DENND1B: variants seen among roughly 807,000 people sequenced by gnomAD.
The protein encoded by DENND1B is DENN domain containing 1B, also known as DENN domain-containing protein 1B.
DENND1B carries 59 observed loss-of-function variants against 90.1 expected under a neutral mutation model. The observed-to-expected ratio is 0.65, with a 90% confidence interval of 0.53 to 0.81. The LOEUF is 0.81. Among genes scored for constraint, DENND1B ranks in the 40% least tolerant of loss-of-function variants. The probability of loss-of-function intolerance (pLI) is 0.00; values close to 1 mark genes in which losing one functional copy is unlikely to be tolerated. For synonymous variants in DENND1B, 337 were observed against 324.6 expected (o/e 1.04, Z -0.41); for missense variants, 862 against 912.6 (o/e 0.94, Z 0.71).
At chr1:197,627,066 C>G (rs143337104) in intron 10 of DENND1B, among the ~76,000 whole-genome samples, 25,849 of 151,968 alleles carry the variant, frequency 0.17, 2,381 homozygotes, top group Non-Finnish European at 0.2. Flanking sequence ...AGTCCAGGAC[C>G]AGATGGATTC....
intron 2 of DENND1B, among the ~76,000 whole-genome samples, chr1:197,765,815 C>T (rs1455981573): frequency 8.5e-5 from 13 of 152,170 alleles, no homozygotes. Flanking sequence ...CAAATGAAAG[C>T]ACCTAATGAG....
chr1:197,526,814 T>C (rs940141741), intron 20 of DENND1B, among the ~76,000 whole-genome samples: 1 of 152,198 alleles, frequency 6.6e-6, no homozygotes, highest in Non-Finnish European at 1.5e-5. Flanking sequence ...ATTTATTTGA[T>C]AGAATTATGT....
At chr1:197,692,832 T>A (rs759983916) in intron 3 of DENND1B, among the ~76,000 whole-genome samples, 1 of 151,658 alleles carries the variant, frequency 6.6e-6, no homozygotes, top group Non-Finnish European at 1.5e-5. Context: ...TTCTTGGAGA[T>A]TCTTTTCTTT....
chr1:197,583,001 A>G lies in DENND1B; in HGVS notation c.1149+151T>C, dbSNP rs2302885. On this transcript the variant is annotated intron_variant, in intron 15 of 22. Transcript: ENST00000620048. Reference sequence around the variant, plus strand: ...TATAATATTTCTAGAGTGCTATGTCATAACTAGCTACGACTTACAAAATAA... The same window carrying G: ...TATAATATTTCTAGAGTGCTATGTCGTAACTAGCTACGACTTACAAAATAA... 17 of 633,440 alleles carry G rather than the reference A, an allele frequency of 2.7e-5. No individual in the cohort carries two copies. The East Asian group carries it at 4.7e-4, about 17-fold the overall frequency. 39.2% of individuals were successfully genotyped at this position (633,440 alleles called of 1,614,324 possible). A position where few individuals can be genotyped will look rare whatever the true frequency, so the allele number is the denominator to read the frequency against.
At chr1:197,576,598 A>G (rs1026517141) in intron 15 of DENND1B, among the ~76,000 whole-genome samples, 1 of 152,224 alleles carries the variant, frequency 6.6e-6, no homozygotes, top group Non-Finnish European at 1.5e-5. Context: ...ATGTTGTGAT[A>G]TAGAATGTAC....
chr1:197,674,083 G>C (rs779046983), intron 4 of DENND1B, 37 bp downstream of exon 4: 52 of 1,421,726 alleles, frequency 3.7e-5, no homozygotes, highest in Non-Finnish European at 4.4e-5. Context: ...TGTACTATAA[G>C]AATCTACATT....
intron 2 of DENND1B, among the ~76,000 whole-genome samples, chr1:197,764,655 T>A (rs1008775033): frequency 6.6e-6 from 1 of 152,176 alleles, no homozygotes; most frequent in Non-Finnish European, 1.5e-5. Flanking sequence ...CTTTCCATTA[T>A]AAAAACTGCT....
intron 6 of DENND1B, among the ~76,000 whole-genome samples, chr1:197,654,900 A>C (rs1653641085): frequency 1.3e-5 from 2 of 152,204 alleles, no homozygotes; most frequent in South Asian, 4.1e-4. Context: ...CATACTGGGC[A>C]GACAGAAATG....
chr1:197,667,488 G>A (rs926770175), intron 5 of DENND1B, among the ~76,000 whole-genome samples: 133 of 152,062 alleles, frequency 8.7e-4, no homozygotes, highest in African/African-American at 3.1e-3. Flanking sequence ...AGAGTACAGT[G>A]GCACAATCTC....
intron 14 of DENND1B, among the ~76,000 whole-genome samples, chr1:197,585,181 C>T (rs953603292): frequency 4.6e-5 from 7 of 152,154 alleles, no homozygotes; most frequent in African/African-American, 9.7e-5. Flanking sequence ...TCCCTAGTTA[C>T]ACTGGGAGCC....
chr1:197,640,793 C>T (rs1414283416), intron 10 of DENND1B, among the ~76,000 whole-genome samples: 22 of 152,212 alleles, frequency 1.4e-4, no homozygotes, highest in Non-Finnish European at 1.5e-5. Context: ...CCCTCACTTT[C>T]TTTGGATCTC....
rs116198102 is a variant in DENND1B at position 197,689,095 on chromosome 1, C to A, written c.127-14926G>T. On this transcript the variant is annotated intron_variant, in intron 3 of 22. Transcript: ENST00000620048. ...TTACAGAAACATTTATTATATTAGT[C>A]CATTTTCACACTGCTGATAAAGACA... 4.8e-3 allele frequency: 885 copies of A among 185,260 alleles called. 8 individuals are homozygous for A. The highest frequency in any genetic ancestry group is 0.02 in the African/African-American group (847 of 42,370). The allele number at this position is 185,260 out of a possible 1,614,324, so 11.5% of individuals were successfully genotyped here. A position where few individuals can be genotyped will look rare whatever the true frequency, so the allele number is the denominator to read the frequency against.
chr1:197,646,210 T>C (rs1680721826), intron 8 of DENND1B, among the ~76,000 whole-genome samples: 1 of 151,966 alleles, frequency 6.6e-6, no homozygotes, highest in African/African-American at 2.4e-5. Context: ...ATTCCTGGGC[T>C]GGGTTTCTAT....
chr1:197,557,836 C>A (rs1368654074), intron 15 of DENND1B, among the ~76,000 whole-genome samples: 1 of 151,716 alleles, frequency 6.6e-6, no homozygotes, highest in African/African-American at 2.4e-5. Context: ...AACTCTGGAG[C>A]ATTTCATAAT....
At chr1:197,669,986 CAA>C (rs1338083156) in intron 5 of DENND1B, among the ~76,000 whole-genome samples, 2 of 152,080 alleles carry the variant, frequency 1.3e-5, no homozygotes, top group African/African-American at 4.8e-5. Flanking sequence ...TCTACATATA[CAA>C]GTTTAGAACC....
chr1:197,672,212 A>G lies in DENND1B; in HGVS notation c.177-56T>C. 2.6e-6 allele frequency: 4 copies of G among 1,544,678 alleles called. No individual in the cohort carries two copies. The South Asian group carries it at 3.7e-5, about 14-fold the overall frequency. On this transcript the variant is annotated intron_variant, in intron 4 of 22. Transcript: ENST00000620048. ...GCCTTGTTTGACAATTTTCTTCAAG[A>G]AAAACAAAAATAAGAGTATATTTAT...
At chr1:197,608,356 A>T (rs1259003098) in intron 12 of DENND1B, among the ~76,000 whole-genome samples, 1 of 150,668 alleles carries the variant, frequency 6.6e-6, no homozygotes, top group African/African-American at 2.4e-5. Flanking sequence ...TATTATAAAG[A>T]CTTAAAAGAT....
chr1:197,539,555 G>A (rs922199652), intron 20 of DENND1B, among the ~76,000 whole-genome samples: 4 of 152,116 alleles, frequency 2.6e-5, no homozygotes, highest in Admixed American at 6.5e-5. Flanking sequence ...TTTAGAATAG[G>A]ATAGACTTAT....
At position 197,745,160 on chromosome 1, in the gene DENND1B, T is replaced by C. The variant is rs11804072; in HGVS notation, c.82+27708A>G. ...TCAGCAATAAGGGTGTTTTGCTTCCTTATCATTTGTGTGTGCACTGGAGTG... is the reference window on the plus strand; with the variant it reads ...TCAGCAATAAGGGTGTTTTGCTTCCCTATCATTTGTGTGTGCACTGGAGTG... On this transcript the variant is annotated intron_variant, in intron 2 of 22. Coordinates refer to ENST00000620048, the MANE Select transcript of DENND1B (RefSeq NM_001195215.2). Among the ~76,000 whole-genome samples the C allele has an allele frequency of 5.0e-3, 768 of 152,332 alleles. 8 individuals carry two copies. The highest frequency in any genetic ancestry group is 0.017 in the African/African-American group (711 of 41,590).
Sources: gnomAD v4.1 joint callset for allele counts (sites outside exome capture counted in the v4.1 genomes callset) on GRCh38, gnomAD v4.1.1 for gene constraint, MANE v1.5 for transcripts, NCBI Gene and HGNC (gene_info 2026-07-23, HGNC 2026-07-21) for gene names.